Variants in ATP1B3 observed in about 807,000 individuals in gnomAD.
ATP1B3 encodes sodium/potassium-transporting ATPase subunit beta-3.
In ATP1B3, 10 loss-of-function variants were observed where a neutral mutation model predicts 30.2. That is an observed-to-expected ratio of 0.33 (90% CI 0.20 to 0.56). ATP1B3 has a LOEUF of 0.56. ATP1B3 is among the 20% of genes least tolerant of loss of function. ATP1B3 has a pLI of 0.90. For missense variants in ATP1B3, 238 were observed against 336.7 expected, an observed-to-expected ratio of 0.71 and a Z score of 2.29; for synonymous variants, 113 against 117.0, an observed-to-expected ratio of 0.97 and a Z score of 0.22.
chr3:141,923,048 CG>C (rs1289150363), intron 6 of ATP1B3, among the ~76,000 whole-genome samples: 2 of 151,934 alleles, frequency 1.3e-5, no homozygotes, highest in African/African-American at 4.8e-5. Context: ...GAGGCCGAGG[CG>C]GGCAGATCAC....
At chr3:141,894,038 A>G (rs559563936) in intron 1 of ATP1B3, among the ~76,000 whole-genome samples, 20 of 152,344 alleles carry the variant, frequency 1.3e-4, no homozygotes, top group African/African-American at 3.6e-4. Context: ...ACTGTTAGCA[A>G]TTGTAACACA....
At chr3:141,913,909 T>G in intron 4 of ATP1B3, 73 bp downstream of exon 4, 2 of 1,428,368 alleles carry the variant, frequency 1.4e-6, no homozygotes, top group Non-Finnish European at 1.9e-6. Context: ...ATTTTTAGAT[T>G]GTTGTGGTTG....
chr3:141,916,641 T>C, intron 5 of ATP1B3: 1 of 1,031,632 alleles, frequency 9.7e-7, no homozygotes, highest in African/African-American at 1.7e-5. Flanking sequence ...ATTTCAACTC[T>C]GATTGTATGG....
chr3:141,921,909 A>T (rs977171498), intron 5 of ATP1B3, 68 bp from the exon 6 acceptor site: 5 of 826,382 alleles, frequency 6.1e-6, no homozygotes, highest in Non-Finnish European at 9.3e-6. Flanking sequence ...TATTCCTTTA[A>T]TTATAAACAT....
chr3:141,916,615 T>A (rs1453779821), intron 5 of ATP1B3: 1 of 1,197,422 alleles, frequency 8.4e-7, no homozygotes, highest in East Asian at 5.7e-5. Flanking sequence ...AATTTATCAT[T>A]GTGCTAAATA....
chr3:141,908,068 C>CTTTTTTTTTTTT (rs56374653), intron 3 of ATP1B3, among the ~76,000 whole-genome samples: 459 of 109,022 alleles, frequency 4.2e-3, no homozygotes, highest in East Asian at 9.4e-3. Flanking sequence ...GCCAGGCATT[C>CTTTTTTTTTTTT]TTTTTTTTTT....
intron 1 of ATP1B3, among the ~76,000 whole-genome samples, chr3:141,878,436 G>T (rs977680711): frequency 6.6e-6 from 1 of 152,202 alleles, no homozygotes; most frequent in African/African-American, 2.4e-5. Context: ...TTTTGCTGAA[G>T]AAATTTTTGA....
chr3:141,900,215 G>A (rs994280442), intron 1 of ATP1B3, among the ~76,000 whole-genome samples: 3 of 152,042 alleles, frequency 2.0e-5, no homozygotes, highest in Non-Finnish European at 4.4e-5. Flanking sequence ...TCCCTACATG[G>A]TTGGGACTTT....
intron 1 of ATP1B3, among the ~76,000 whole-genome samples, chr3:141,879,961 A>G (rs1248370945): frequency 6.6e-6 from 1 of 151,816 alleles, no homozygotes; most frequent in Admixed American, 6.6e-5. Flanking sequence ...GGTGGAAGGA[A>G]AAAAAATCAC....
intron 1 of ATP1B3, among the ~76,000 whole-genome samples, chr3:141,889,756 TACACACAC>T (rs34670135): frequency 0.018 from 1,554 of 84,002 alleles, 117 homozygotes; most frequent in African/African-American, 0.044. Flanking sequence ...AAAAAATATA[TACACACAC>T]ACACACACAC....
In ATP1B3 at chr3:141,889,750, A is replaced by AAAAT. The variant is rs1553743802; in HGVS notation, c.109+12841_109+12842insAATA. 3.7e-4 allele frequency among the ~76,000 whole-genome samples: 29 copies of AAAAT among 79,088 alleles called. 1 individual carries two copies. Among genetic ancestry groups the AAAAT allele is most frequent in the East Asian group, 9.4e-4 (2 of 2,132 alleles). The allele number at this position is 79,088 out of a possible 152,430, so 51.9% of individuals were successfully genotyped here. On this transcript the variant is annotated intron_variant, in intron 1 of 6. Coordinates refer to ENST00000286371, the MANE Select transcript of ATP1B3 (RefSeq NM_001679.4). ...TCTCAAAAAAAAAAAAAAAAAAAAAAATATATACACACACACACACACACA... is the reference window on the plus strand; with the variant it reads ...TCTCAAAAAAAAAAAAAAAAAAAAAAAAATATATATACACACACACACACACACA...
intron 3 of ATP1B3, among the ~76,000 whole-genome samples, chr3:141,912,828 C>T (rs1934390336): frequency 6.6e-6 from 1 of 152,162 alleles, no homozygotes; most frequent in African/African-American, 2.4e-5. Flanking sequence ...CAAGTTCTAA[C>T]CATTTTACTC....
intron 1 of ATP1B3, among the ~76,000 whole-genome samples, chr3:141,901,430 G>A (rs1934161957): frequency 6.6e-6 from 1 of 152,200 alleles, no homozygotes; most frequent in African/African-American, 2.4e-5. Context: ...ATTTATATGT[G>A]AGACTGACTA....
intron 5 of ATP1B3, chr3:141,916,574 G>T (rs1934468231): frequency 7.8e-7 from 1 of 1,286,826 alleles, no homozygotes; most frequent in Admixed American, 2.3e-5. Context: ...GTAAAAGATG[G>T]GTAAGAGTTC....
intron 3 of ATP1B3, among the ~76,000 whole-genome samples, chr3:141,907,502 G>A (rs3792410): frequency 0.11 from 16,469 of 152,106 alleles, 1,090 homozygotes; most frequent in Middle Eastern, 0.16. Flanking sequence ...TTAGCTGGGC[G>A]TGGTAGCACG....
intron 1 of ATP1B3, among the ~76,000 whole-genome samples, chr3:141,886,082 G>A (rs1933827613): frequency 6.6e-6 from 1 of 152,112 alleles, no homozygotes; most frequent in Admixed American, 6.5e-5. Context: ...ATTACCTTCT[G>A]TACCCCAAAA....
At chr3:141,890,086 C>CTT (rs1245235657) in intron 1 of ATP1B3, among the ~76,000 whole-genome samples, 2,634 of 107,216 alleles carry the variant, frequency 0.025, 175 homozygotes, top group African/African-American at 0.084. Flanking sequence ...AATTTTTTTT[C>CTT]TTTTTTTTTT....
chr3:141,896,361 A>G (rs574853277), intron 1 of ATP1B3, among the ~76,000 whole-genome samples: 2 of 151,956 alleles, frequency 1.3e-5, no homozygotes, highest in Admixed American at 6.6e-5. Context: ...TACAAAAAAA[A>G]TTTTTTTTAA....
intron 3 of ATP1B3, among the ~76,000 whole-genome samples, chr3:141,912,513 G>A (rs1002079458): frequency 1.5e-4 from 22 of 151,634 alleles, no homozygotes; most frequent in African/African-American, 4.4e-4. Context: ...CACCCGCCTC[G>A]GCCTCCCAAA....
Sources: gnomAD v4.1 joint callset for allele counts (sites outside exome capture counted in the v4.1 genomes callset) on GRCh38, gnomAD v4.1.1 for gene constraint, MANE v1.5 for transcripts, NCBI Gene and HGNC (gene_info 2026-07-23, HGNC 2026-07-21) for gene names.